The following CILK1 variants were observed in gnomAD, a reference collection of about 807,000 sequenced individuals.
CILK1 encodes ciliogenesis associated kinase 1, also known as serine/threonine-protein kinase ICK.
Under a neutral mutation model 79.2 loss-of-function variants are expected in CILK1, and 47 were observed. That is an observed-to-expected ratio of 0.59 (90% confidence interval 0.47 to 0.76). The LOEUF (loss-of-function observed/expected upper bound fraction) is 0.76, where lower values mean the gene tolerates loss of function less well. CILK1 is among the 30% of genes least tolerant of loss of function. The pLI is 0.00. For missense variants in CILK1, 660 were observed against 769.5 expected, an observed-to-expected ratio of 0.86 and a Z score of 1.68; for synonymous variants, 266 against 275.9, an observed-to-expected ratio of 0.96 and a Z score of 0.36.
intron 10 of CILK1, 23 bp from the exon 11 acceptor site, chr6:53,011,940 G>C: frequency 6.2e-7 from 1 of 1,614,134 alleles, no homozygotes; most frequent in Non-Finnish European, 8.5e-7. Context: ...AGCATGGCTT[G>C]GGTCAGCACG....
intron 8 of CILK1, among the ~76,000 whole-genome samples, chr6:53,015,872 T>A (rs1764859557): frequency 6.6e-6 from 1 of 152,232 alleles, no homozygotes; most frequent in South Asian, 2.1e-4. Flanking sequence ...ACATGCCAAT[T>A]TTCAAAGCAA....
At chr6:53,035,063 T>C (rs1766225455) in intron 3 of CILK1, among the ~76,000 whole-genome samples, 2 of 152,108 alleles carry the variant, frequency 1.3e-5, no homozygotes, top group Admixed American at 6.6e-5. Flanking sequence ...GCGCAAACCA[T>C]TTGGATGCCA....
intron 1 of CILK1, among the ~76,000 whole-genome samples, chr6:53,050,719 T>C (rs1261040645): frequency 6.6e-6 from 1 of 151,614 alleles, no homozygotes. Context: ...TCCTAGCTAC[T>C]TATGGGGCTG....
intron 7 of CILK1, among the ~76,000 whole-genome samples, chr6:53,017,896 G>C (rs1764986491): frequency 6.6e-6 from 1 of 151,980 alleles, no homozygotes. Context: ...AAAGAAGGAA[G>C]CTAGTAGGGT....
chr6:53,042,950 G>C (rs1329625403), intron 1 of CILK1, among the ~76,000 whole-genome samples: 1 of 152,182 alleles, frequency 6.6e-6, no homozygotes, highest in Non-Finnish European at 1.5e-5. Context: ...GGAAAGTGGG[G>C]TGAAGGGTTT....
chr6:53,014,355 C>A (rs192207824), intron 8 of CILK1, among the ~76,000 whole-genome samples: 1 of 152,014 alleles, frequency 6.6e-6, no homozygotes, highest in Admixed American at 6.6e-5. Flanking sequence ...AAAAATAATA[C>A]AAAACTGAAA....
chr6:53,019,365 G>T lies in CILK1; in HGVS notation c.359-6C>A. 1.9e-6 allele frequency: 3 copies of T among 1,613,978 alleles called. No individual in the cohort carries two copies. The South Asian group carries it at 3.3e-5, about 18-fold the overall frequency. On this transcript the variant is annotated splice_region_variant and splice_polypyrimidine_tract_variant and intron_variant, in intron 5 of 13. Transcript: ENST00000676107. ...TAAGTCTCGATGAAAGAAGCCTATA[G>T]AGACAGTAGAGGAGAAGAAATCCAA...
At chr6:53,060,001 T>A (rs1472621705) in intron 1 of CILK1, among the ~76,000 whole-genome samples, 1 of 152,186 alleles carries the variant, frequency 6.6e-6, no homozygotes, top group African/African-American at 2.4e-5. Flanking sequence ...TAAAACATAT[T>A]TCAAAGGTCT....
chr6:53,047,521 G>A (rs1767173333), intron 1 of CILK1, among the ~76,000 whole-genome samples: 1 of 121,386 alleles, frequency 8.2e-6, no homozygotes, highest in Admixed American at 9.6e-5. Context: ...TTTTTTCCCA[G>A]GTTGGTCTTG....
chr6:53,006,916 C>A (rs1764258052), intron 12 of CILK1, among the ~76,000 whole-genome samples: 1 of 152,160 alleles, frequency 6.6e-6, no homozygotes. Flanking sequence ...TAATTACACA[C>A]TAAATATTCT....
intron 5 of CILK1, among the ~76,000 whole-genome samples, chr6:53,027,110 T>C (rs1219720884): frequency 6.6e-6 from 1 of 152,226 alleles, no homozygotes; most frequent in African/African-American, 2.4e-5. Context: ...CCAGATATTA[T>C]TAAATTCAAA....
At chr6:53,023,712 T>C (rs932553129) in intron 5 of CILK1, among the ~76,000 whole-genome samples, 1 of 152,228 alleles carries the variant, frequency 6.6e-6, no homozygotes, top group Non-Finnish European at 1.5e-5. Flanking sequence ...AATACACTAA[T>C]TGCCATTATC....
chr6:53,017,741 G>A (rs1441072431), intron 7 of CILK1, among the ~76,000 whole-genome samples: 2 of 152,208 alleles, frequency 1.3e-5, no homozygotes, highest in Non-Finnish European at 2.9e-5. Flanking sequence ...CAAGAGCCAT[G>A]TGGCAATATT....
At chr6:53,050,641 C>T (rs988888119) in intron 1 of CILK1, among the ~76,000 whole-genome samples, 1 of 151,930 alleles carries the variant, frequency 6.6e-6, no homozygotes, top group Non-Finnish European at 1.5e-5. Context: ...GCCTGGGCAA[C>T]AGGGCAAAAC....
chr6:53,026,863 CT>C (rs1465072421), intron 5 of CILK1, among the ~76,000 whole-genome samples: 2 of 152,150 alleles, frequency 1.3e-5, no homozygotes, highest in African/African-American at 4.8e-5. Context: ...AATTTCACCC[CT>C]ATATGCCAGC....
In CILK1 at chr6:53,041,228, T is replaced by A. The variant is rs761930210; in HGVS notation, c.9A>T (p.Arg3Ser). 6.2e-6 allele frequency: 10 copies of A among 1,612,822 alleles called. No individual in the cohort carries two copies. The highest frequency in any genetic ancestry group is 8.5e-6 in the Non-Finnish European group (10 of 1,179,134). MN[R>S]YTTIRQLGDG... ...CCCCGAGCTGCCTGATTGTTGTGTA[T>A]CTATTCATGGTGTGCCTGCTCAGGC... The change falls in exon 2 of 14, where the codon AGA becomes AGT. Residue 3 changes from arginine to serine, a missense_variant. Physicochemically the swap from Arg to Ser is moderately radical, Grantham distance 110. Coordinates refer to ENST00000676107, the MANE Select transcript of CILK1 (RefSeq NM_014920.5).
At chr6:53,055,254 T>A (rs1254758602) in intron 1 of CILK1, among the ~76,000 whole-genome samples, 1 of 152,234 alleles carries the variant, frequency 6.6e-6, no homozygotes, top group Middle Eastern at 3.2e-3. Context: ...ATAATTAGAC[T>A]TCGTATTCTA....
rs1489129283 is a variant in CILK1 at position 53,061,716 on chromosome 6, G to T, written c.-293C>A. On this transcript the variant is annotated 5_prime_UTR_variant, in exon 1 of 14. Coordinates refer to ENST00000676107, the MANE Select transcript of CILK1 (RefSeq NM_014920.5). ...ACAATCCCTGCTAGGACCGGCCGAG[G>T]GCTCCGTACAGGGACGCCCGCGAGG... The T allele has an allele frequency of 3.3e-5, 5 of 152,292 alleles. No homozygotes were observed. The highest frequency in any genetic ancestry group is 1.2e-4 in the African/African-American group (5 of 41,468). 9.4% of individuals were successfully genotyped at this position (152,292 alleles called of 1,614,324 possible). A position where few individuals can be genotyped will look rare whatever the true frequency, so the allele number is the denominator to read the frequency against.
intron 5 of CILK1, among the ~76,000 whole-genome samples, 165 bp downstream of exon 5, chr6:53,030,900 A>T (rs183880404): frequency 6.6e-6 from 1 of 152,384 alleles, no homozygotes; most frequent in African/African-American, 2.4e-5. Flanking sequence ...GGAAATTCAG[A>T]GATCAAGTTA....
Sources: allele counts gnomAD v4.1 joint callset (sites outside exome capture counted in the v4.1 genomes callset), GRCh38; gene constraint gnomAD v4.1.1; transcripts MANE v1.5; gene names NCBI Gene and HGNC (gene_info 2026-07-23, HGNC 2026-07-21).